The following CEP112 variants were observed in gnomAD, a reference collection of about 807,000 sequenced individuals.
CEP112 encodes the protein centrosomal protein 112, also known as centrosomal protein of 112 kDa.
Under a neutral mutation model 153.0 loss-of-function variants are expected in CEP112, and 127 were observed. That is an observed-to-expected ratio of 0.83 (90% CI 0.72 to 0.96). The LOEUF is 0.96. Ranked by LOEUF, CEP112 falls within the 40% of genes least tolerant of loss-of-function variation. The pLI is 0.00. For missense variants in CEP112, 1,089 were observed against 1,101.2 expected (o/e 0.99, Z 0.16); for synonymous variants, 358 against 374.4 (o/e 0.96, Z 0.51).
intron 8 of CEP112, among the ~76,000 whole-genome samples, chr17:66,084,122 C>T (rs970685664): frequency 1.4e-4 from 22 of 152,058 alleles, no homozygotes; most frequent in African/African-American, 5.3e-4. Context: ...TCATTTCAGT[C>T]CAGTTAAAAT....
intron 26 of CEP112, 139 bp from the exon 27 acceptor site, chr17:65,636,113 T>C: frequency 1.3e-6 from 1 of 793,440 alleles, no homozygotes; most frequent in Non-Finnish European, 2.1e-6. Context: ...TATGCTTATC[T>C]ATAAGGGATC....
intron 6 of CEP112, among the ~76,000 whole-genome samples, chr17:66,121,734 C>T (rs1471856320): frequency 6.6e-6 from 1 of 151,640 alleles, no homozygotes; most frequent in East Asian, 1.9e-4. Flanking sequence ...GGGGGTCTCA[C>T]TATGTTGCCC....
intron 24 of CEP112, among the ~76,000 whole-genome samples, chr17:65,672,809 CAT>C (rs1438224488): frequency 6.6e-6 from 1 of 152,068 alleles, no homozygotes; most frequent in African/African-American, 2.4e-5. Context: ...GATTCACACA[CAT>C]ATCAAAAATT....
In CEP112 at chr17:66,168,076, AGAT is replaced by A. The variant is rs560524970; in HGVS notation, c.470+6965_470+6967del. 3.0e-3 allele frequency among the ~76,000 whole-genome samples: 454 copies of A among 152,384 alleles called. 2 individuals are homozygous for A. Among genetic ancestry groups the A allele is most frequent in the South Asian group, 6.2e-3 (30 of 4,832 alleles). Reference sequence around the variant, plus strand: ...ATGTGTATGCACAAACATTTTAACAAGATGATATTTCAGAAGGCAACTGAACAG... The same window carrying A: ...ATGTGTATGCACAAACATTTTAACAAGATATTTCAGAAGGCAACTGAACAG... On this transcript the variant is annotated intron_variant, in intron 4 of 26. Transcript: ENST00000535342.
intron 12 of CEP112, among the ~76,000 whole-genome samples, chr17:66,043,332 A>C (rs2066064248): frequency 6.6e-6 from 1 of 152,182 alleles, no homozygotes; most frequent in African/African-American, 2.4e-5. Flanking sequence ...CCCTCATTAG[A>C]AATTACTATC....
chr17:65,860,063 C>A (rs1017915987), intron 20 of CEP112, among the ~76,000 whole-genome samples: 2 of 147,058 alleles, frequency 1.4e-5, no homozygotes, highest in South Asian at 2.2e-4. Context: ...GATGCCATGA[C>A]GGTATATATA....
At chr17:66,126,253 AG>A (rs1343591257) in intron 6 of CEP112, among the ~76,000 whole-genome samples, 4 of 152,234 alleles carry the variant, frequency 2.6e-5, no homozygotes, top group African/African-American at 9.6e-5. Flanking sequence ...AATAATTCCT[AG>A]TCAACATCAA....
chr17:65,857,597 C>T (rs375542418), intron 20 of CEP112, among the ~76,000 whole-genome samples: 56 of 152,168 alleles, frequency 3.7e-4, no homozygotes, highest in Non-Finnish European at 6.0e-4. Context: ...TATTTTCAAA[C>T]GTTACATCAA....
intron 6 of CEP112, among the ~76,000 whole-genome samples, chr17:66,119,217 G>C (rs536232573): frequency 6.6e-6 from 1 of 152,222 alleles, no homozygotes; most frequent in African/African-American, 2.4e-5. Context: ...GTTGTGGGGA[G>C]AGCATTAGAA....
intron 16 of CEP112, among the ~76,000 whole-genome samples, chr17:66,008,330 A>G (rs2064361800): frequency 6.6e-6 from 1 of 152,094 alleles, no homozygotes; most frequent in Admixed American, 6.6e-5. Flanking sequence ...TCACCATATT[A>G]TATCTCCAGA....
intron 26 of CEP112, 159 bp downstream of exon 26, chr17:65,636,965 G>A: frequency 1.6e-6 from 1 of 618,218 alleles, no homozygotes; most frequent in Non-Finnish European, 2.9e-6. Context: ...TGAGAAGGGG[G>A]GTGACTTCTT....
chr17:66,116,532 C>T (rs2069302983), intron 6 of CEP112, among the ~76,000 whole-genome samples: 1 of 152,028 alleles, frequency 6.6e-6, no homozygotes, highest in South Asian at 2.1e-4. Context: ...TTATTTTAGT[C>T]TGCACTTGGT....
chr17:65,966,331 T>C (rs1160872340), intron 17 of CEP112, among the ~76,000 whole-genome samples: 1 of 152,220 alleles, frequency 6.6e-6, no homozygotes, highest in Admixed American at 6.5e-5. Context: ...CAGTTTAGTA[T>C]TTTTGAGCTT....
At chr17:65,960,996 T>G (rs180819980) in intron 18 of CEP112, among the ~76,000 whole-genome samples, 2 of 138,652 alleles carry the variant, frequency 1.4e-5, no homozygotes, top group African/African-American at 5.0e-5. Context: ...AATTTTGTAT[T>G]TTCTTTAAAA....
chr17:65,753,478 A>G (rs2052017520), intron 21 of CEP112, among the ~76,000 whole-genome samples: 1 of 152,156 alleles, frequency 6.6e-6, no homozygotes, highest in Non-Finnish European at 1.5e-5. Context: ...TGTATCTATA[A>G]TCCCATCGAG....
chr17:65,904,110 C>T (rs12951808), intron 19 of CEP112, among the ~76,000 whole-genome samples: 16,558 of 152,076 alleles, frequency 0.11, 1,274 homozygotes, highest in South Asian at 0.23. Context: ...AGGGCAATCA[C>T]GCAAGAGAAA....
intron 18 of CEP112, among the ~76,000 whole-genome samples, chr17:65,946,052 T>TA (rs2061639615): frequency 6.6e-6 from 1 of 152,226 alleles, no homozygotes; most frequent in Non-Finnish European, 1.5e-5. Flanking sequence ...CCCTTATTGA[T>TA]TCACAGTTCT....
At chr17:65,799,693 G>C (rs2055146674) in intron 21 of CEP112, among the ~76,000 whole-genome samples, 1 of 152,192 alleles carries the variant, frequency 6.6e-6, no homozygotes, top group African/African-American at 2.4e-5. Flanking sequence ...TCTCAGCCTT[G>C]TGCCTCTTTC....
At chr17:66,090,817 C>A (rs1598332095) in intron 8 of CEP112, among the ~76,000 whole-genome samples, 1 of 151,838 alleles carries the variant, frequency 6.6e-6, no homozygotes, top group Admixed American at 6.6e-5. Flanking sequence ...TGTTTAAGAA[C>A]CTACATAGAC....
Sources: allele counts gnomAD v4.1 joint callset (sites outside exome capture counted in the v4.1 genomes callset), GRCh38; gene constraint gnomAD v4.1.1; transcripts MANE v1.5; gene names NCBI Gene and HGNC (gene_info 2026-07-23, HGNC 2026-07-21).